Variants in VSIG10L2 observed in about 807,000 individuals in gnomAD.
The protein encoded by VSIG10L2 is V-set and immunoglobulin domain containing 10 like 2, also known as V-set and immunoglobulin domain-containing protein 10-like 2.
A neutral mutation model predicts 67.1 loss-of-function variants in VSIG10L2; 56 were observed. That is an observed-to-expected ratio of 0.83 (90% CI 0.67 to 1.04). The LOEUF (loss-of-function observed/expected upper bound fraction) is 1.04, where lower values mean the gene tolerates loss of function less well. VSIG10L2 is among the 50% of genes least tolerant of loss of function. The pLI is 0.00. For synonymous variants in VSIG10L2, 360 were observed against 396.6 expected (o/e 0.91, Z 1.10); for missense variants, 843 against 932.8 (o/e 0.90, Z 1.25).
rs1343827125 is a variant in VSIG10L2, at chr11:125,950,203, G to A, written c.899G>A (p.Arg300His). ...GPTYVIARAGRVHTGLYTCLA... is the reference protein window; with the variant it reads ...GPTYVIARAGHVHTGLYTCLA... ...ACCTATGTCATCGCCAGAGCTGGCC[G>A]TGTCCACACAGGCCTGTACACCTGC... The change falls in exon 4 of 12, where the codon CGT becomes CAT. Residue 300 changes from arginine to histidine, a missense_variant. By Grantham distance (29) the Arg-to-His change is conservative. Coordinates refer to ENST00000686984, the MANE Select transcript of VSIG10L2 (RefSeq NM_001365077.2). 1.6e-5 allele frequency: 20 copies of A among 1,232,380 alleles called. No individual in the cohort carries two copies. Among genetic ancestry groups the A allele is most frequent in the Admixed American group, 4.2e-5 (1 of 23,734 alleles). The allele number at this position is 1,232,380 out of a possible 1,614,324, so 76.3% of individuals were successfully genotyped here.
chr11:125,947,640 A>G (rs968262812), intron 1 of VSIG10L2, 46 bp from the exon 2 acceptor site: 3 of 1,231,902 alleles, frequency 2.4e-6, no homozygotes, highest in Non-Finnish European at 3.0e-6. Context: ...AGTGCAGGAG[A>G]GCCCAGAGCA....
chr11:125,947,495 A>G (rs1945313409), intron 1 of VSIG10L2, 191 bp from the exon 2 acceptor site: 16 of 985,280 alleles, frequency 1.6e-5, no homozygotes, highest in Non-Finnish European at 1.4e-5. Flanking sequence ...GCATCCAAAC[A>G]GGAAACCCAG....
chr11:125,950,160 C>G lies in VSIG10L2; in HGVS notation c.856C>G (p.Gln286Glu), dbSNP rs984231087. The change falls in exon 4 of 12, where the codon CAA becomes GAA. Residue 286 changes from glutamine (Q) to glutamate (E), a missense_variant. Gln to Glu is a conservative substitution (Grantham distance 29, BLOSUM62 2). This residue lies in a region of VSIG10L2 where 446 missense variants were observed against 548.4 expected (regional missense o/e 0.81). Transcript: ENST00000686984. ...SHYVWLRDHTQVHTGPTYVIA... is the reference protein window; with the variant it reads ...SHYVWLRDHTEVHTGPTYVIA... ...CTATGTGTGGCTCCGTGACCACACG[C>G]AAGTCCACACGGGGCCTACCTATGT... The G allele has an allele frequency of 8.6e-5, 106 of 1,232,192 alleles. No homozygotes were observed. The highest frequency in any genetic ancestry group is 1.0e-4 in the Non-Finnish European group (102 of 988,080). The allele number at this position is 1,232,192 out of a possible 1,614,324, so 76.3% of individuals were successfully genotyped here.
intron 6 of VSIG10L2, 45 bp from the exon 7 acceptor site, chr11:125,953,355 C>T: frequency 8.1e-7 from 1 of 1,230,832 alleles, no homozygotes; most frequent in Non-Finnish European, 1.0e-6. Flanking sequence ...GCACCTTGTC[C>T]CCAAGCCCTC....
chr11:125,955,487 G>C lies in VSIG10L2; in HGVS notation c.2212G>C (p.Gly738Arg), dbSNP rs1945450176. 1.2e-6 allele frequency: 1 copy of C among 818,046 alleles called. No individual in the cohort carries two copies. The highest frequency in any genetic ancestry group is 1.9e-6 in the Non-Finnish European group (1 of 521,576). The allele number at this position is 818,046 out of a possible 1,614,324, so 50.7% of individuals were successfully genotyped here. A position where few individuals can be genotyped will look rare whatever the true frequency, so the allele number is the denominator to read the frequency against. The change falls in exon 10 of 12, where the codon GGT (glycine) becomes CGT (arginine). Residue 738 changes from glycine to arginine, a missense_variant. Coordinates refer to ENST00000686984, the MANE Select transcript of VSIG10L2 (RefSeq NM_001365077.2). ...ARHPETFPRL[G>R]QLLVPTEQRH... is the part of the protein sequence containing the mutation. ...TTTTCTTTTCCTTCCTACAGGCCTT[G>C]GTCAATTGCTTGTTCCCACGTGAGT...
chr11:125,948,603 GGCT>G (rs1283217704), intron 3 of VSIG10L2, 23 bp downstream of exon 3: 1 of 1,231,838 alleles, frequency 8.1e-7, no homozygotes, highest in African/African-American at 1.6e-5. Flanking sequence ...GTGGTGGGGG[GGCT>G]GTCAGGGCTG....
At chr11:125,948,903 C>T (rs922358044) in intron 3 of VSIG10L2, among the ~76,000 whole-genome samples, 24 of 152,196 alleles carry the variant, frequency 1.6e-4, no homozygotes, top group African/African-American at 5.5e-4. Flanking sequence ...CTCTCAGAAA[C>T]CAACAGGACC....
Position 125,952,001 on chromosome 11 carries a change from G to C in VSIG10L2, c.1423G>C (p.Ala475Pro). 9.1e-6 allele frequency: 14 copies of C among 1,536,140 alleles called. No individual in the cohort carries two copies. The highest frequency in any genetic ancestry group is 1.2e-5 in the South Asian group (1 of 84,066). The change falls in exon 6 of 12, where the codon GCT (alanine) becomes CCT (proline). Residue 475 changes from alanine to proline, a missense_variant. Transcript: ENST00000686984. ...VHLLQAQEDLAGREFTCRGTH... is the reference protein window; with the variant it reads ...VHLLQAQEDLPGREFTCRGTH... ...CCTCCTGCAGGCCCAAGAAGATCTG[G>C]CTGGCAGAGAGTTCACCTGCCGGGG...
At position 125,946,241 on chromosome 11, in the gene VSIG10L2, C is replaced by T. The variant is rs1180328999; in HGVS notation, c.82+104C>T. The T allele has an allele frequency of 1.0e-5, 4 of 397,900 alleles. No homozygotes were observed. In the East Asian group the frequency reaches 1.1e-4, roughly 11 times the overall value. 24.6% of individuals were successfully genotyped at this position (397,900 alleles called of 1,614,324 possible). On this transcript the variant is annotated intron_variant, in intron 1 of 11. Coordinates refer to ENST00000686984, the MANE Select transcript of VSIG10L2 (RefSeq NM_001365077.2). This position sits in a 1 kb window ranked among gnomAD's most constrained non-coding sequence, Gnocchi z 4.4. Reference sequence around the variant, plus strand: ...CCTTTTGCACTCCATTCCATGAAGTCCGTTCAGTCATTCATCGGCTAGACA... The same window carrying T: ...CCTTTTGCACTCCATTCCATGAAGTTCGTTCAGTCATTCATCGGCTAGACA...
chr11:125,955,079 C>A lies in VSIG10L2; in HGVS notation c.2106C>A (p.Tyr702Ter), dbSNP rs1945440317. 1.6e-6 allele frequency: 2 copies of A among 1,236,518 alleles called. No homozygotes were observed. The highest frequency in any genetic ancestry group is 1.0e-6 in the Non-Finnish European group (1 of 991,118). The allele number at this position is 1,236,518 out of a possible 1,614,324, so 76.6% of individuals were successfully genotyped here. ...TAGCGGACCCCCCCTTCAGCGCCTA[C>A]CCAGCGGTGTTGGGTGCAGCAGGCA... ...KIPADPPFSAYPAVLGAAGTG... is the reference protein window; with the variant it reads ...KIPADPPFSA Residue 702 changes from tyrosine (Y) to a stop codon, truncating the protein, a stop_gained, in exon 9 of 12, where the codon TAC becomes TAA. Transcript: ENST00000686984. LOFTEE classifies it high-confidence loss of function.
At chr11:125,951,774 T>C in intron 5 of VSIG10L2, 39 bp from the exon 6 acceptor site, 2 of 1,443,118 alleles carry the variant, frequency 1.4e-6, no homozygotes, top group Non-Finnish European at 1.8e-6. Context: ...AAGCCCTTCC[T>C]CCTTCCACAG....
At chr11:125,955,250 G>A in intron 9 of VSIG10L2, 71 bp downstream of exon 9, 1 of 1,308,274 alleles carries the variant, frequency 7.6e-7, no homozygotes, top group Non-Finnish European at 9.7e-7. Context: ...ATCCAAAGGA[G>A]AGATGCAGCA....
At position 125,947,901 on chromosome 11, in the gene VSIG10L2, G is replaced by GT. The variant is rs1339296428; in HGVS notation, c.299dup (p.Ser101GlufsTer56). 1.6e-6 allele frequency: 2 copies of GT among 1,232,216 alleles called. No homozygotes were observed. Among genetic ancestry groups the GT allele is most frequent in the Admixed American group, 8.4e-5 (2 of 23,708 alleles). The allele number at this position is 1,232,216 out of a possible 1,614,324, so 76.3% of individuals were successfully genotyped here. ...GGCCATCGCCTCGGCTCTGGGAGTC[G>GT]TGAGTCTGAGGAACAGCAGCCTGGT... On this transcript the variant is annotated frameshift_variant, in exon 2 of 12. Transcript: ENST00000686984. LOFTEE classifies it high-confidence loss of function.
At position 125,950,094 on chromosome 11, in the gene VSIG10L2, G is replaced by A. The variant is rs1035125495; in HGVS notation, c.790G>A (p.Val264Met). ...EGFWASEREE[V>M]TLSCLAASNP... Reference sequence around the variant, plus strand: ...CTTCTGGGCCAGTGAGAGGGAAGAGGTGACCCTGAGCTGTCTGGCTGCCTC... The same window carrying A: ...CTTCTGGGCCAGTGAGAGGGAAGAGATGACCCTGAGCTGTCTGGCTGCCTC... Residue 264 changes from valine (V) to methionine (M), a missense_variant, in exon 4 of 12, where the codon GTG becomes ATG. This residue lies in a region of VSIG10L2 where 446 missense variants were observed against 548.4 expected (regional missense o/e 0.81). Coordinates refer to ENST00000686984, the MANE Select transcript of VSIG10L2 (RefSeq NM_001365077.2). 6.5e-6 allele frequency: 8 copies of A among 1,232,424 alleles called. No individual in the cohort carries two copies. Among genetic ancestry groups the A allele is most frequent in the Non-Finnish European group, 8.1e-6 (8 of 988,254 alleles). 76.3% of individuals were successfully genotyped at this position (1,232,424 alleles called of 1,614,324 possible). A position where few individuals can be genotyped will look rare whatever the true frequency, so the allele number is the denominator to read the frequency against.
Position 125,951,811 on chromosome 11 carries a change from A to C in VSIG10L2, c.1235-2A>C. The C allele has an allele frequency of 1.3e-6, 2 of 1,494,646 alleles. No homozygotes were observed. Among genetic ancestry groups the C allele is most frequent in the Non-Finnish European group, 1.8e-6 (2 of 1,123,082 alleles). The allele number at this position is 1,494,646 out of a possible 1,614,324, so 92.6% of individuals were successfully genotyped here. A position where few individuals can be genotyped will look rare whatever the true frequency, so the allele number is the denominator to read the frequency against. On this transcript the variant is annotated splice_acceptor_variant, in intron 5 of 11. Transcript: ENST00000686984. LOFTEE classifies it high-confidence loss of function. ...GCCATACTGAGCCATCATTCCTTCC[A>C]GGGGAGCCTCTCGGGAGGCCTACCT... is the stretch of plus-strand genomic sequence containing the variant.
At chr11:125,953,204 C>A (rs576796995) in intron 6 of VSIG10L2, among the ~76,000 whole-genome samples, 196 bp from the exon 7 acceptor site, 1 of 152,112 alleles carries the variant, frequency 6.6e-6, no homozygotes, top group South Asian at 2.1e-4. Context: ...CATATATTAG[C>A]GAGCCCTGGC....
intron 6 of VSIG10L2, among the ~76,000 whole-genome samples, chr11:125,952,353 GAAGA>G (rs1281224905): frequency 6.6e-6 from 1 of 152,162 alleles, no homozygotes; most frequent in Admixed American, 6.5e-5. Context: ...TTAAAAAGAA[GAAGA>G]AACAAGTGAA....
In VSIG10L2 at chr11:125,950,002, C is replaced by T; in HGVS notation, c.710-12C>T. The stretch of plus-strand genomic sequence containing the variant: ...AGCTGGGGAGGTGTAACTGGCCTTC[C>T]TTGCTCTCCAGATGGTCCTGACAAG... On this transcript the variant is annotated splice_polypyrimidine_tract_variant and intron_variant, in intron 3 of 11. Coordinates refer to ENST00000686984, the MANE Select transcript of VSIG10L2 (RefSeq NM_001365077.2). The T allele has an allele frequency of 1.6e-6, 2 of 1,232,436 alleles. No homozygotes were observed. The highest frequency in any genetic ancestry group is 2.0e-6 in the Non-Finnish European group (2 of 988,198). The allele number at this position is 1,232,436 out of a possible 1,614,324, so 76.3% of individuals were successfully genotyped here.
At chr11:125,952,102 G>GGGCT in intron 6 of VSIG10L2, 29 bp downstream of exon 6, 1 of 1,514,896 alleles carries the variant, frequency 6.6e-7, no homozygotes, top group Non-Finnish European at 8.8e-7. Flanking sequence ...GTTTGTTCTG[G>GGGCT]GGCTGGGACA....
Sources: allele counts gnomAD v4.1 joint callset (sites outside exome capture counted in the v4.1 genomes callset), GRCh38; gene constraint gnomAD v4.1.1; regional missense constraint gnomAD v4.1.1; non-coding constraint Gnocchi (gnomAD v3.1); transcripts MANE v1.5; gene names NCBI Gene and HGNC (gene_info 2026-07-23, HGNC 2026-07-21).